DST: variants seen among roughly 807,000 people sequenced by gnomAD.
The protein encoded by DST is dystonin.
In DST, 253 loss-of-function variants were observed where a neutral mutation model predicts 875.2. The ratio of observed to expected loss-of-function variants is 0.29; its 90% CI spans 0.26 to 0.32. The LOEUF (loss-of-function observed/expected upper bound fraction) is 0.32. DST is among the 10% of genes least tolerant of loss of function. The pLI is 1.00. For synonymous variants in DST, 3,124 were observed against 3,197.1 expected (o/e 0.98, Z 0.77); for missense variants, 8,287 against 9,111.6 (o/e 0.91, Z 3.68).
intron 61 of DST, chr6:56,541,433 T>C (rs2097124780): frequency 6.6e-6 from 1 of 152,634 alleles, no homozygotes; most frequent in Non-Finnish European, 1.5e-5. Context: ...GTCTATCTGT[T>C]CATTTAGTCT....
chr6:56,571,145 CA>C (rs2097774930), intron 53 of DST, among the ~76,000 whole-genome samples: 1 of 152,180 alleles, frequency 6.6e-6, no homozygotes, highest in Non-Finnish European at 1.5e-5. Flanking sequence ...TGCACATGCC[CA>C]GCACATGAAC....
chr6:56,627,137 T>C (rs1201484688), intron 34 of DST, 67 bp downstream of exon 34: 19 of 1,173,696 alleles, frequency 1.6e-5, no homozygotes, highest in Middle Eastern at 2.0e-4. Flanking sequence ...CTTGCATGGC[T>C]TTAACAGTAC....
intron 71 of DST, 82 bp from the exon 72 acceptor site, chr6:56,515,750 A>C (rs2096574103): frequency 1.9e-6 from 2 of 1,055,264 alleles, no homozygotes; most frequent in Non-Finnish European, 1.4e-6. Context: ...AGCACAGTAC[A>C]CCTGGACAGA....
chr6:56,747,399 G>A (rs1201421083), intron 4 of DST, among the ~76,000 whole-genome samples: 1 of 152,066 alleles, frequency 6.6e-6, no homozygotes, highest in Non-Finnish European at 1.5e-5. Flanking sequence ...TGGGATCTAG[G>A]GGATCAGGTT....
At position 56,703,738 on chromosome 6, in the gene DST, C is replaced by T. The variant is rs1198971122; in HGVS notation, c.786G>A (p.Glu262=). ...EVLSGDTLPR[E]RDFLKTLRLV... ...ATCGTAAGGTCTTCAAAAAATCTCG[C>T]TCCCTTGGCTAATGAATATAACAGA... is the stretch of plus-strand genomic sequence containing the variant. Residue 262 remains glutamate (E), a synonymous_variant, in exon 7 of 104, where the codon GAG becomes GAA. Transcript: ENST00000680361. 1 of 983,994 alleles carries T rather than the reference C, an allele frequency of 1.0e-6. No homozygotes were observed. Among genetic ancestry groups the T allele is most frequent in the African/African-American group, 1.7e-5 (1 of 57,162 alleles). The allele number at this position is 983,994 out of a possible 1,614,324, so 61.0% of individuals were successfully genotyped here.
chr6:56,488,715 C>T (rs1226521075), intron 86 of DST, among the ~76,000 whole-genome samples: 3 of 152,086 alleles, frequency 2.0e-5, no homozygotes, highest in African/African-American at 7.2e-5. Flanking sequence ...TTTATATGTA[C>T]GTGCCTAAAA....
rs1232101504 is a variant in DST at position 56,605,292 on chromosome 6, T to C, written c.9336A>G (p.Ala3112=). The C allele has an allele frequency of 1.2e-6, 2 of 1,611,560 alleles. No homozygotes were observed. Among genetic ancestry groups the C allele is most frequent in the Non-Finnish European group, 1.7e-6 (2 of 1,178,810 alleles). ...TTGGTTCATCTTTAAGAGTTACAGT[T>C]GCTTTTTTAAGGCTTCCTTTCTGAT... ...ELNQKGSLKK[A]TVTLKDEPNN... The change falls in exon 40 of 104, where the codon GCA becomes GCG. Residue 3112 remains alanine, a synonymous_variant. Coordinates refer to ENST00000680361, the MANE Select transcript of DST (RefSeq NM_001374736.1).
chr6:56,670,137 T>C (rs776264206), intron 10 of DST, among the ~76,000 whole-genome samples: 9 of 57,898 alleles, frequency 1.6e-4, no homozygotes, highest in East Asian at 2.9e-4. Context: ...CCCGTGCGTG[T>C]GTGTGTGTGT....
At chr6:56,510,045 C>T (rs2096438771) in intron 73 of DST, among the ~76,000 whole-genome samples, 172 bp from the exon 74 acceptor site, 1 of 152,068 alleles carries the variant, frequency 6.6e-6, no homozygotes, top group Admixed American at 6.6e-5. Flanking sequence ...TGAAGACATG[C>T]CTAAAATCAT....
chr6:56,578,699 G>GA (rs1398493858), intron 50 of DST, 115 bp downstream of exon 50: 8 of 1,081,120 alleles, frequency 7.4e-6, no homozygotes, highest in Admixed American at 2.5e-5. Context: ...ATTTCACAGA[G>GA]AAAGAGCACA....
Position 56,634,114 on chromosome 6 carries a change from A to G in DST, c.3621+18T>C. The G allele has an allele frequency of 6.2e-7, 1 of 1,612,588 alleles. No homozygotes were observed. Among genetic ancestry groups the G allele is most frequent in the East Asian group, 2.2e-5 (1 of 44,866 alleles). ...ACATTTTTGGACATATCGAGTTGAC[A>G]TACAGATTCATACTTACTGAAGCCA... On this transcript the variant is annotated intron_variant, in intron 27 of 103. Coordinates refer to ENST00000680361, the MANE Select transcript of DST (RefSeq NM_001374736.1).
At position 56,634,166 on chromosome 6, in the gene DST, T is replaced by C. The variant is rs957284718; in HGVS notation, c.3587A>G (p.Glu1196Gly). The C allele has an allele frequency of 2.5e-6, 4 of 1,613,136 alleles. No individual in the cohort carries two copies. The highest frequency in any genetic ancestry group is 3.4e-6 in the Non-Finnish European group (4 of 1,179,756). Residue 1196 changes from glutamate to glycine, a missense_variant, in exon 27 of 104, where the codon GAA (glutamate) becomes GGA (glycine). Glu to Gly is a moderately conservative substitution (Grantham distance 98). Transcript: ENST00000680361. ...ATTGCTAGCTCGAATTCTATCAATT[T>C]CATTGATGAGATAATGCCAGGATAC... ...SVVSWHYLIN[E>G]IDRIRASNVA...
chr6:56,906,079 C>G (rs1175237635), intron 2 of DST, among the ~76,000 whole-genome samples: 1 of 152,196 alleles, frequency 6.6e-6, no homozygotes, highest in Non-Finnish European at 1.5e-5. Flanking sequence ...ATTCCAACCC[C>G]TTTGTACATA....
At chr6:56,459,393 G>T in intron 103 of DST, 126 bp from the exon 104 acceptor site, 1 of 949,602 alleles carries the variant, frequency 1.1e-6, no homozygotes, top group Non-Finnish European at 1.5e-6. Context: ...TCAGAAAACA[G>T]TTGTGGATTC....
At position 56,497,964 on chromosome 6, in the gene DST, T is replaced by C; in HGVS notation, c.19986A>G (p.Glu6662=). 1.2e-6 allele frequency: 2 copies of C among 1,613,562 alleles called. No homozygotes were observed. Among genetic ancestry groups the C allele is most frequent in the Non-Finnish European group, 1.7e-6 (2 of 1,179,628 alleles). ...GNDLIESSAG[E]EASNLQNKLE... ...GCTTGTTCTGAAGGTTGCTTGCTTC[T>C]TCTCCTGCACTTGATTCAATTAGAT... The change falls in exon 81 of 104, where the codon GAA becomes GAG. Residue 6662 remains glutamate (E), a synonymous_variant. Coordinates refer to ENST00000680361, the MANE Select transcript of DST (RefSeq NM_001374736.1).
At position 56,627,232 on chromosome 6, in the gene DST, T is replaced by A. The variant is rs1208038661; in HGVS notation, c.4694A>T (p.Tyr1565Phe). ...CACTGTAGCTGAGTACTGTTCTGCA[T>A]ATTTTTGACACTCGTCCATTTTGCT... The part of the protein sequence containing the change: ...KQSKMDECQK[Y>F]AEQYSATVKD... Residue 1565 changes from tyrosine to phenylalanine, a missense_variant, in exon 34 of 104, where the codon TAT (tyrosine) becomes TTT (phenylalanine). Physicochemically the swap from Tyr to Phe is conservative, Grantham distance 22 (BLOSUM62 3). Around this residue, in one of 10 missense-constraint regions of DST, gnomAD observed 3,138 missense variants for 3,116.6 expected, o/e 1.01. Coordinates refer to ENST00000680361, the MANE Select transcript of DST (RefSeq NM_001374736.1). The A allele has an allele frequency of 6.2e-7, 1 of 1,612,682 alleles. No homozygotes were observed. Among genetic ancestry groups the A allele is most frequent in the African/African-American group, 1.3e-5 (1 of 74,912 alleles).
chr6:56,858,362 G>T (rs1315962134), intron 3 of DST, among the ~76,000 whole-genome samples: 8 of 147,338 alleles, frequency 5.4e-5, no homozygotes, highest in Non-Finnish European at 1.5e-5. Flanking sequence ...CAAACTCTAG[G>T]GTGTAATGAT....
rs771595322 is a variant in DST at position 56,509,875 on chromosome 6, T to G, written c.18781-2A>C. ...GATCTGATCTATCTTGTCATGGAAC[T>G]AGGGGCAAAACAAAGAGATCTTTTA... is the stretch of plus-strand genomic sequence containing the variant. On this transcript the variant is annotated splice_acceptor_variant, in intron 73 of 103. Coordinates refer to ENST00000680361, the MANE Select transcript of DST (RefSeq NM_001374736.1). LOFTEE classifies it high-confidence loss of function. 1 of 1,578,954 alleles carries G rather than the reference T, an allele frequency of 6.3e-7. No homozygotes were observed. The highest frequency in any genetic ancestry group is 8.6e-7 in the Non-Finnish European group (1 of 1,160,844).
At chr6:56,943,248 GAT>G (rs1817617456) in intron 2 of DST, among the ~76,000 whole-genome samples, 1 of 152,072 alleles carries the variant, frequency 6.6e-6, no homozygotes, top group Non-Finnish European at 1.5e-5. Flanking sequence ...ACTGGAATTG[GAT>G]GACAGTACTG....
Sources: gnomAD v4.1 joint callset for allele counts (sites outside exome capture counted in the v4.1 genomes callset) on GRCh38, gnomAD v4.1.1 for gene constraint, gnomAD v4.1.1 regional missense constraint, MANE v1.5 for transcripts, NCBI Gene and HGNC (gene_info 2026-07-23, HGNC 2026-07-21) for gene names.